Variants in PALM2AKAP2 observed in about 807,000 individuals in gnomAD.
PALM2AKAP2 encodes the protein PALM2 and AKAP2 fusion.
PALM2AKAP2 carries 37 observed loss-of-function variants against 71.5 expected under a neutral mutation model. That is an observed-to-expected ratio of 0.52 (90% CI 0.40 to 0.68). PALM2AKAP2 has a LOEUF of 0.68. PALM2AKAP2 is among the 30% of genes least tolerant of loss of function. The pLI is 0.00. For missense variants in PALM2AKAP2, 1,224 were observed against 1,191.8 expected, an observed-to-expected ratio of 1.03 and a Z score of -0.40; for synonymous variants, 468 against 478.8, an observed-to-expected ratio of 0.98 and a Z score of 0.29.
At chr9:109,860,902 C>G (rs1397363198) in intron 1 of PALM2AKAP2, among the ~76,000 whole-genome samples, 1 of 152,210 alleles carries the variant, frequency 6.6e-6, no homozygotes, top group Non-Finnish European at 1.5e-5. Flanking sequence ...ACAAGATTCC[C>G]TTTAGCTCAC....
intron 1 of PALM2AKAP2, among the ~76,000 whole-genome samples, chr9:109,737,031 A>G (rs1828646731): frequency 1.3e-5 from 2 of 152,226 alleles, no homozygotes; most frequent in Middle Eastern, 3.2e-3. Flanking sequence ...AATTGATTAT[A>G]AGGACAGCAT....
At chr9:110,061,198 G>A (rs1193748296) in intron 1 of PALM2AKAP2, among the ~76,000 whole-genome samples, 2 of 152,172 alleles carry the variant, frequency 1.3e-5, no homozygotes, top group Non-Finnish European at 2.9e-5. Flanking sequence ...ATGCTAACAA[G>A]AATCATTGTA....
At chr9:109,709,307 C>T (rs1479740972) in intron 1 of PALM2AKAP2, among the ~76,000 whole-genome samples, 1 of 152,208 alleles carries the variant, frequency 6.6e-6, no homozygotes, top group East Asian at 1.9e-4. Flanking sequence ...GGATGCCTGA[C>T]ACTTGCATCT....
At chr9:109,706,461 T>A (rs1236628485) in intron 1 of PALM2AKAP2, among the ~76,000 whole-genome samples, 1 of 152,212 alleles carries the variant, frequency 6.6e-6, no homozygotes, top group East Asian at 1.9e-4. Context: ...CTGGTGGGGA[T>A]ATAAAGTGGT....
At chr9:109,913,600 TCTGATTAGCTG>T (rs1554726001) in intron 3 of PALM2AKAP2, among the ~76,000 whole-genome samples, 1 of 152,112 alleles carries the variant, frequency 6.6e-6, no homozygotes, top group Non-Finnish European at 1.5e-5. Context: ...GACTCTAAGC[TCTGATTAGCTG>T]TGATCCCTAA....
chr9:109,811,634 T>C (rs1827729474), intron 1 of PALM2AKAP2, among the ~76,000 whole-genome samples: 1 of 152,192 alleles, frequency 6.6e-6, no homozygotes, highest in South Asian at 2.1e-4. Context: ...TGCAGTACCA[T>C]GATCATAGCT....
intron 3 of PALM2AKAP2, among the ~76,000 whole-genome samples, chr9:109,920,481 G>A (rs1830803850): frequency 6.6e-6 from 1 of 151,482 alleles, no homozygotes; most frequent in South Asian, 2.1e-4. Flanking sequence ...CTGGGTTCAA[G>A]CGGTTCTCCT....
chr9:110,015,295 GAGA>G (rs975248053), intron 6 of PALM2AKAP2, among the ~76,000 whole-genome samples: 1 of 152,138 alleles, frequency 6.6e-6, no homozygotes, highest in Non-Finnish European at 1.5e-5. Context: ...GCCTGAACTG[GAGA>G]AGAAGAAGAG....
At chr9:109,762,460 G>A (rs1223625795) in intron 1 of PALM2AKAP2, among the ~76,000 whole-genome samples, 2 of 152,150 alleles carry the variant, frequency 1.3e-5, no homozygotes, top group African/African-American at 4.8e-5. Context: ...TAATCTAGAT[G>A]TGTAGGGCAG....
rs775090610 is a variant in PALM2AKAP2, at chr9:109,785,633, A to C, written c.45+5100A>C. 8.5e-5 allele frequency among the ~76,000 whole-genome samples: 13 copies of C among 152,358 alleles called. 1 individual carries two copies. Among genetic ancestry groups the C allele is most frequent in the African/African-American group, 9.6e-5 (4 of 41,584 alleles). ...ACAGACTGGAAATGAGAGCTTGTGC[A>C]GGGAAACTCCCCTTTATAAAACCAT... is the stretch of plus-strand genomic sequence containing the variant. On this transcript the variant is annotated intron_variant, in intron 1 of 9. Transcript: ENST00000302798.
At chr9:109,824,963 A>G (rs1828105987) in intron 1 of PALM2AKAP2, among the ~76,000 whole-genome samples, 1 of 152,224 alleles carries the variant, frequency 6.6e-6, no homozygotes, top group Non-Finnish European at 1.5e-5. Context: ...TTGTGCTCCA[A>G]GAGGATCGAA....
chr9:109,705,696 T>C (rs964168453), intron 1 of PALM2AKAP2, among the ~76,000 whole-genome samples: 2 of 152,228 alleles, frequency 1.3e-5, no homozygotes, highest in South Asian at 2.1e-4. Context: ...TTTCCAAAGA[T>C]AGCATAGTGG....
chr9:109,782,496 A>C (rs1453050760), intron 1 of PALM2AKAP2, among the ~76,000 whole-genome samples: 1 of 152,228 alleles, frequency 6.6e-6, no homozygotes, highest in Non-Finnish European at 1.5e-5. Context: ...ACCATTCCCT[A>C]AATAATACAG....
chr9:110,075,008 A>AAAAAAG (rs1226936779), intron 1 of PALM2AKAP2, among the ~76,000 whole-genome samples: 1 of 151,644 alleles, frequency 6.6e-6, no homozygotes, highest in African/African-American at 2.4e-5. Flanking sequence ...ATCTCAAGAA[A>AAAAAAG]AAAAAGAAAA....
At chr9:109,898,851 T>C (rs1830265153) in intron 3 of PALM2AKAP2, among the ~76,000 whole-genome samples, 1 of 152,190 alleles carries the variant, frequency 6.6e-6, no homozygotes, top group Admixed American at 6.5e-5. Context: ...CAAAGGAGAC[T>C]TCTAAATCCT....
At chr9:109,970,890 T>C (rs1832052824) in intron 6 of PALM2AKAP2, among the ~76,000 whole-genome samples, 1 of 152,178 alleles carries the variant, frequency 6.6e-6, no homozygotes, top group Non-Finnish European at 1.5e-5. Context: ...AAGAATTACT[T>C]GAGCCTAGGA....
intron 1 of PALM2AKAP2, among the ~76,000 whole-genome samples, chr9:109,705,034 A>G (rs1167762995): frequency 1.3e-5 from 2 of 152,204 alleles, no homozygotes; most frequent in Non-Finnish European, 2.9e-5. Context: ...AAAGATGATC[A>G]TAACTAGAAC....
intron 7 of PALM2AKAP2, among the ~76,000 whole-genome samples, chr9:110,028,026 T>A (rs184421537): frequency 2.4e-4 from 37 of 152,292 alleles, no homozygotes; most frequent in Admixed American, 1.8e-3. Flanking sequence ...GAAGATTTTT[T>A]AAAAATCCTT....
intron 1 of PALM2AKAP2, among the ~76,000 whole-genome samples, chr9:109,714,460 C>T (rs928002251): frequency 6.6e-6 from 1 of 152,124 alleles, no homozygotes; most frequent in Non-Finnish European, 1.5e-5. Flanking sequence ...CATCCATGAA[C>T]AGCTGTTAAA....
Sources: allele counts gnomAD v4.1 joint callset (sites outside exome capture counted in the v4.1 genomes callset), GRCh38; gene constraint gnomAD v4.1.1; transcripts MANE v1.5; gene names NCBI Gene and HGNC (gene_info 2026-07-23, HGNC 2026-07-21).